The following VTI1A variants were observed in gnomAD, a reference collection of about 807,000 sequenced individuals.
The protein encoded by VTI1A is vesicle transport through interaction with t-SNAREs homolog 1A.
In VTI1A, 22 loss-of-function variants were observed where a neutral mutation model predicts 34.9. The observed-to-expected ratio is 0.63, with a 90% CI of 0.45 to 0.90. VTI1A has a LOEUF of 0.90. Among genes scored for constraint, VTI1A ranks in the 40% least tolerant of loss-of-function variants. The pLI, the probability that VTI1A is intolerant of heterozygous loss-of-function variation, is 0.00. For synonymous variants in VTI1A, 87 were observed against 97.3 expected (o/e 0.89, Z 0.62); for missense variants, 268 against 275.6 (o/e 0.97, Z 0.20).
intron 5 of VTI1A, among the ~76,000 whole-genome samples, chr10:112,550,992 C>A (rs1851332282): frequency 6.6e-6 from 1 of 152,032 alleles, no homozygotes; most frequent in Non-Finnish European, 1.5e-5. Flanking sequence ...GCCTGTAATC[C>A]CAGCACTTTG....
At chr10:112,716,880 A>G (rs1426944630) in intron 7 of VTI1A, among the ~76,000 whole-genome samples, 2 of 152,236 alleles carry the variant, frequency 1.3e-5, no homozygotes, top group African/African-American at 2.4e-5. Context: ...TTACTTGAGG[A>G]AAAAAGACAA....
At chr10:112,680,289 A>G (rs1422764614) in intron 7 of VTI1A, among the ~76,000 whole-genome samples, 1 of 152,212 alleles carries the variant, frequency 6.6e-6, no homozygotes, top group Non-Finnish European at 1.5e-5. Flanking sequence ...TTTGTAAGAC[A>G]CAGTCACATA....
intron 7 of VTI1A, among the ~76,000 whole-genome samples, chr10:112,696,885 C>G (rs1848808092): frequency 6.6e-6 from 1 of 152,148 alleles, no homozygotes; most frequent in Non-Finnish European, 1.5e-5. Context: ...TTCAAAAATT[C>G]TATGACCTCT....
intron 7 of VTI1A, among the ~76,000 whole-genome samples, chr10:112,770,108 G>T (rs947708736): frequency 3.3e-5 from 5 of 151,774 alleles, no homozygotes; most frequent in Non-Finnish European, 7.4e-5. Context: ...ATCTGCAGGC[G>T]GAATCTGGCC....
intron 3 of VTI1A, chr10:112,485,409 A>G (rs745452585): frequency 6.6e-6 from 1 of 152,234 alleles, no homozygotes; most frequent in Non-Finnish European, 1.5e-5. Context: ...GAGCTGATAT[A>G]TATGATTTGA....
At chr10:112,555,043 C>T (rs951187590) in intron 5 of VTI1A, among the ~76,000 whole-genome samples, 1 of 151,640 alleles carries the variant, frequency 6.6e-6, no homozygotes, top group Non-Finnish European at 1.5e-5. Context: ...CTTTTTCAAT[C>T]TAGAAAAACA....
chr10:112,620,927 G>A (rs984566452), intron 5 of VTI1A, among the ~76,000 whole-genome samples: 6 of 152,150 alleles, frequency 3.9e-5, no homozygotes, highest in Admixed American at 1.3e-4. Flanking sequence ...TGAGCAATGC[G>A]GCATTCCAGA....
intron 5 of VTI1A, among the ~76,000 whole-genome samples, chr10:112,645,828 A>G (rs185055595): frequency 6.5e-4 from 98 of 150,978 alleles, no homozygotes; most frequent in Non-Finnish European, 1.1e-3. Context: ...TTTTTGGTGC[A>G]TTTCTACTTA....
At chr10:112,459,743 C>T (rs1330263130) in intron 1 of VTI1A, among the ~76,000 whole-genome samples, 1 of 152,166 alleles carries the variant, frequency 6.6e-6, no homozygotes, top group Non-Finnish European at 1.5e-5. Flanking sequence ...TATGGGAAAG[C>T]TTTCTGAAAT....
At chr10:112,542,011 AC>A (rs1185432330) in intron 5 of VTI1A, among the ~76,000 whole-genome samples, 1 of 152,040 alleles carries the variant, frequency 6.6e-6, no homozygotes, top group Non-Finnish European at 1.5e-5. Context: ...TGTTGTTGTT[AC>A]TATTAATAGT....
intron 7 of VTI1A, among the ~76,000 whole-genome samples, chr10:112,739,096 G>A (rs1199491554): frequency 3.9e-5 from 6 of 152,174 alleles, no homozygotes; most frequent in East Asian, 1.9e-4. Context: ...CCTGTCTCAC[G>A]ATGCTTGCAC....
intron 5 of VTI1A, among the ~76,000 whole-genome samples, chr10:112,660,095 TTTG>T (rs1036495762): frequency 3.3e-5 from 5 of 152,082 alleles, no homozygotes; most frequent in South Asian, 2.1e-4. Context: ...TGAATTCTAA[TTTG>T]TTGTTGTTGT....
chr10:112,504,921 T>G (rs146542992), intron 3 of VTI1A, among the ~76,000 whole-genome samples: 23 of 152,120 alleles, frequency 1.5e-4, no homozygotes, highest in African/African-American at 4.8e-4. Flanking sequence ...ACCGTTCTTA[T>G]GCTTTGCTAG....
At chr10:112,758,395 TGTCTACTCCAGGATCACCTG>T (rs528450377) in intron 7 of VTI1A, among the ~76,000 whole-genome samples, 2,095 of 152,318 alleles carry the variant, frequency 0.014, 29 homozygotes, top group South Asian at 0.043. Context: ...CACAAACATT[TGTCTACTCCAGGATCACCTG>T]GGGTACAGGT....
intron 5 of VTI1A, among the ~76,000 whole-genome samples, chr10:112,557,736 C>G (rs775201050): frequency 2.0e-5 from 3 of 152,120 alleles, no homozygotes; most frequent in Non-Finnish European, 4.4e-5. Flanking sequence ...CTTGCTTTCT[C>G]CAGTGAGCCC....
intron 5 of VTI1A, among the ~76,000 whole-genome samples, chr10:112,650,806 C>T (rs888424661): frequency 2.0e-5 from 3 of 152,146 alleles, no homozygotes; most frequent in Non-Finnish European, 2.9e-5. Context: ...TATGTCCTCT[C>T]AGTGAAGAAT....
intron 3 of VTI1A, among the ~76,000 whole-genome samples, chr10:112,478,743 T>C (rs1410115353): frequency 1.3e-5 from 2 of 152,142 alleles, no homozygotes; most frequent in Non-Finnish European, 1.5e-5. Flanking sequence ...TTTATTATTG[T>C]ATTATATTAC....
At chr10:112,576,369 G>GT (rs1230390644) in intron 5 of VTI1A, among the ~76,000 whole-genome samples, 2 of 152,204 alleles carry the variant, frequency 1.3e-5, no homozygotes, top group East Asian at 3.8e-4. Flanking sequence ...AATATTTGCT[G>GT]TTTTAGCATG....
intron 5 of VTI1A, among the ~76,000 whole-genome samples, chr10:112,567,929 A>G (rs570469890): frequency 6.6e-6 from 1 of 152,206 alleles, no homozygotes; most frequent in African/African-American, 2.4e-5. Flanking sequence ...ACACATCCGT[A>G]TAGGCAAAAC....
Sources: allele counts gnomAD v4.1 joint callset (sites outside exome capture counted in the v4.1 genomes callset), GRCh38; gene constraint gnomAD v4.1.1; transcripts MANE v1.5; gene names NCBI Gene and HGNC (gene_info 2026-07-23, HGNC 2026-07-21).